GLI2: variants seen among roughly 807,000 people sequenced by gnomAD.
The protein encoded by GLI2 is transcription activator GLI2.
Under a neutral mutation model 78.9 loss-of-function variants are expected in GLI2, and 22 were observed. That is an observed-to-expected ratio of 0.28 (90% CI 0.20 to 0.40). The LOEUF (loss-of-function observed/expected upper bound fraction) is 0.40. Among genes scored for constraint, GLI2 ranks in the 10% least tolerant of loss-of-function variants. The probability of loss-of-function intolerance (pLI) is 1.00; values close to 1 mark genes in which losing one functional copy is unlikely to be tolerated. For missense variants in GLI2, 2,097 were observed against 2,213.2 expected, an observed-to-expected ratio of 0.95 and a Z score of 1.05; for synonymous variants, 974 against 963.7, an observed-to-expected ratio of 1.01 and a Z score of -0.20.
intron 2 of GLI2, among the ~76,000 whole-genome samples, chr2:120,897,882 G>A (rs1055118319): frequency 2.0e-5 from 3 of 152,100 alleles, no homozygotes; most frequent in Non-Finnish European, 4.4e-5. Flanking sequence ...AGGTGCTAAA[G>A]TCTCATGATA....
At chr2:120,890,858 G>T (rs1260236016) in intron 2 of GLI2, among the ~76,000 whole-genome samples, 2 of 152,176 alleles carry the variant, frequency 1.3e-5, no homozygotes, top group Non-Finnish European at 2.9e-5. Context: ...TCCCCCCAAA[G>T]CTTGGCTTCG....
chr2:120,852,665 C>T (rs1279987074), intron 2 of GLI2, among the ~76,000 whole-genome samples: 1 of 152,188 alleles, frequency 6.6e-6, no homozygotes, highest in African/African-American at 2.4e-5. Context: ...CTCCCCAGCC[C>T]ACTTTGGGAT....
At chr2:120,757,354 A>G (rs1474480473) in intron 1 of GLI2, among the ~76,000 whole-genome samples, 1 of 151,958 alleles carries the variant, frequency 6.6e-6, no homozygotes, top group African/African-American at 2.4e-5. Context: ...GATATGATTC[A>G]TTTACTTGCA....
chr2:120,984,653 T>C lies in GLI2; in HGVS notation c.1815T>C (p.Pro605=), dbSNP rs146766721. Residue 605 remains proline (P), a synonymous_variant, in exon 12 of 14, where the codon CCT becomes CCC. Transcript: ENST00000361492. ...ENGDSEAGTE[P]GGPESTEASS... is the part of the protein sequence containing the mutation. ...GGGACAGTGAGGCCGGCACGGAGCC[T>C]GGCGGCCCAGAGAGCACCGAGGCCA... The C allele has an allele frequency of 6.2e-6, 10 of 1,613,800 alleles. No individual in the cohort carries two copies. In the African/African-American group the frequency reaches 1.3e-4, roughly 22 times the overall value.
In GLI2 at chr2:120,982,720, A is replaced by C. The variant is rs1682771940; in HGVS notation, c.1472A>C (p.Glu491Ala). ...TGEKPHKCTF[E>A]GCSKAYSRLE... ...GACTGAACCGCCTCCTTCTAGTTCG[A>C]GGGCTGCTCGAAGGCCTACTCCCGC... The change falls in exon 11 of 14, where the codon GAG becomes GCG. Residue 491 changes from glutamate to alanine, a missense_variant. This residue lies in a region of GLI2 where 104 missense variants were observed against 190.6 expected (regional missense o/e 0.55). Transcript: ENST00000361492. The C allele has an allele frequency of 6.2e-7, 1 of 1,612,372 alleles. No individual in the cohort carries two copies. Among genetic ancestry groups the C allele is most frequent in the Middle Eastern group, 1.7e-4 (1 of 6,048 alleles).
intron 2 of GLI2, among the ~76,000 whole-genome samples, chr2:120,802,003 A>G (rs1684728611): frequency 6.6e-6 from 1 of 152,224 alleles, no homozygotes; most frequent in Non-Finnish European, 1.5e-5. Flanking sequence ...GTGAGTGTCC[A>G]GCCTTGGTAA....
intron 1 of GLI2, among the ~76,000 whole-genome samples, chr2:120,768,013 G>A (rs923022023): frequency 6.6e-6 from 1 of 152,142 alleles, no homozygotes; most frequent in African/African-American, 2.4e-5. Context: ...TTCAGTTCAT[G>A]GCTGTCCCGA....
At chr2:120,886,159 AGTGTGTGTGTGTGTGT>A (rs532891541) in intron 2 of GLI2, among the ~76,000 whole-genome samples, 161 of 116,832 alleles carry the variant, frequency 1.4e-3, no homozygotes, top group Middle Eastern at 4.2e-3. Context: ...ATTTTTCCAA[AGTGTGTGTGTGTGTGT>A]GTGTGTGTGT....
intron 2 of GLI2, among the ~76,000 whole-genome samples, chr2:120,847,292 A>C (rs1242847720): frequency 6.6e-6 from 1 of 152,092 alleles, no homozygotes; most frequent in Non-Finnish European, 1.5e-5. Context: ...GAAGAAAATA[A>C]ATGAATATAA....
At chr2:120,786,973 C>T (rs976600763) in intron 1 of GLI2, among the ~76,000 whole-genome samples, 4 of 152,166 alleles carry the variant, frequency 2.6e-5, no homozygotes, top group Admixed American at 1.3e-4. Flanking sequence ...GTGTTCAGTT[C>T]GTCTCTGAGT....
intron 1 of GLI2, among the ~76,000 whole-genome samples, chr2:120,775,457 C>G (rs1010063871): frequency 1.3e-5 from 2 of 152,176 alleles, no homozygotes; most frequent in Non-Finnish European, 2.9e-5. Context: ...GCTTCTGATG[C>G]GAACAGTGCG....
chr2:120,784,208 G>A (rs2104674226), intron 1 of GLI2, among the ~76,000 whole-genome samples: 1 of 152,342 alleles, frequency 6.6e-6, no homozygotes, highest in South Asian at 2.1e-4. Context: ...GAGCCATCCA[G>A]TGGAACAGGC....
chr2:120,842,068 A>C (rs945345478), intron 2 of GLI2, among the ~76,000 whole-genome samples: 107 of 151,552 alleles, frequency 7.1e-4, no homozygotes, highest in African/African-American at 2.4e-3. Flanking sequence ...CAAAAAAAAA[A>C]AAAAAAAAAC....
At chr2:120,842,956 G>GT (rs1686955222) in intron 2 of GLI2, among the ~76,000 whole-genome samples, 1 of 152,192 alleles carries the variant, frequency 6.6e-6, no homozygotes, top group Non-Finnish European at 1.5e-5. Context: ...TGGAAGTCTG[G>GT]TTGGGGAATC....
At chr2:120,823,432 A>C (rs1175887150) in intron 2 of GLI2, among the ~76,000 whole-genome samples, 1 of 152,056 alleles carries the variant, frequency 6.6e-6, no homozygotes, top group Non-Finnish European at 1.5e-5. Flanking sequence ...GGTGTGGAGG[A>C]GGCAGAGAGG....
intron 2 of GLI2, among the ~76,000 whole-genome samples, chr2:120,903,891 G>C (rs906985840): frequency 6.6e-6 from 1 of 152,180 alleles, no homozygotes; most frequent in Admixed American, 6.5e-5. Flanking sequence ...AAGCGGGCGG[G>C]TGACTGTGGT....
intron 2 of GLI2, among the ~76,000 whole-genome samples, chr2:120,824,976 C>T (rs1311027692): frequency 1.3e-5 from 2 of 152,152 alleles, no homozygotes; most frequent in Non-Finnish European, 1.5e-5. Flanking sequence ...GCTGGGACTA[C>T]AGGTGCCTGC....
chr2:120,921,144 A>G (rs1280672311), intron 2 of GLI2, among the ~76,000 whole-genome samples: 1 of 152,100 alleles, frequency 6.6e-6, no homozygotes, highest in Non-Finnish European at 1.5e-5. Flanking sequence ...GGGCTGTGGG[A>G]CAATCCGTGC....
intron 1 of GLI2, among the ~76,000 whole-genome samples, chr2:120,783,472 T>C (rs909771606): frequency 2.6e-5 from 4 of 151,924 alleles, no homozygotes; most frequent in Non-Finnish European, 5.9e-5. Flanking sequence ...TCTCATTTCC[T>C]CTCCGGAAGC....
Sources: allele counts gnomAD v4.1 joint callset (sites outside exome capture counted in the v4.1 genomes callset), GRCh38; gene constraint gnomAD v4.1.1; regional missense constraint gnomAD v4.1.1; transcripts MANE v1.5; gene names NCBI Gene and HGNC (gene_info 2026-07-23, HGNC 2026-07-21).